The following SPATA31A1 variants were observed in gnomAD, a reference collection of about 807,000 sequenced individuals.
SPATA31A1 encodes SPATA31 subfamily A member 1, also known as spermatogenesis-associated protein 31A1.
For missense variants in SPATA31A1, 579 were observed against 1,476.3 expected, an observed-to-expected ratio of 0.39 and a Z score of 9.96; for synonymous variants, 194 against 573.4, an observed-to-expected ratio of 0.34 and a Z score of 9.45.
At position 39,355,881 on chromosome 9, in the gene SPATA31A1, T is replaced by G; in HGVS notation, c.151T>G (p.Cys51Gly). The G allele has an allele frequency of 6.7e-6, 2 of 298,932 alleles. No individual in the cohort carries two copies. The allele number at this position is 298,932 out of a possible 1,614,324, so 18.5% of individuals were successfully genotyped here. A position where few individuals can be genotyped will look rare whatever the true frequency, so the allele number is the denominator to read the frequency against. ...ACTCCCCTACTTATCTTACTTCCGT[T>G]GTGATGACCCACCCTCACCATCGCC... ...LLLPYLSYFRCDDPPSPSPGK... is the reference protein window; with the variant it reads ...LLLPYLSYFRGDDPPSPSPGK... The change falls in exon 1 of 4, where the codon TGT (cysteine) becomes GGT (glycine). Residue 51 changes from cysteine (C) to glycine (G), a missense_variant. Cys to Gly is a radical substitution (Grantham distance 159, BLOSUM62 -3). Transcript: ENST00000377647.
intron 1 of SPATA31A1, 118 bp downstream of exon 1, chr9:39,356,037 C>A (rs1323157831): frequency 2.7e-5 from 3 of 109,670 alleles, no homozygotes; most frequent in Non-Finnish European, 3.0e-5. Context: ...CAGAAGAGAC[C>A]AGAACATCAT....
rs1212779080 is a variant in SPATA31A1 at position 39,359,195 on chromosome 9, C to T, written c.1430C>T (p.Pro477Leu). The part of the protein sequence containing the change: ...FQAQPPSHLG[P>L]ECQPFISSTP... The stretch of plus-strand genomic sequence containing the variant: ...GCCCAGCCCCCGTCCCATCTGGGGC[C>T]CGAGTGCCAACCCTTTATTTCATCC... Residue 477 changes from proline to leucine, a missense_variant, in exon 4 of 4, where the codon CCC (proline) becomes CTC (leucine). Coordinates refer to ENST00000377647, the MANE Select transcript of SPATA31A1 (RefSeq NM_001085452.4). 6.2e-7 allele frequency: 1 copy of T among 1,611,828 alleles called. No individual in the cohort carries two copies. Among genetic ancestry groups the T allele is most frequent in the African/African-American group, 1.3e-5 (1 of 74,786 alleles).
Position 39,358,955 on chromosome 9 carries a change from A to C in SPATA31A1, c.1190A>C (p.Lys397Thr). 1 of 1,592,194 alleles carries C rather than the reference A, an allele frequency of 6.3e-7. No individual in the cohort carries two copies. Among genetic ancestry groups the C allele is most frequent in the African/African-American group, 1.4e-5 (1 of 74,066 alleles). ...TCGAAACAGCTGCCCGGACCTCAGA[A>C]GCTCTCAGATCCTAGGCTCTGGCAG... is the stretch of plus-strand genomic sequence containing the variant. ...ENSKQLPGPQ[K>T]LSDPRLWQES... Residue 397 changes from lysine (K) to threonine (T), a missense_variant, in exon 4 of 4, where the codon AAG becomes ACG. By Grantham distance (78) the Lys-to-Thr change is moderately conservative. Transcript: ENST00000377647.
chr9:39,356,578 T>G (rs1204277503), intron 1 of SPATA31A1, among the ~76,000 whole-genome samples: 1 of 51,718 alleles, frequency 1.9e-5, no homozygotes, highest in African/African-American at 8.4e-5. Context: ...TATTTTATTT[T>G]ATTTTATTTT....
rs1363347442 is a variant in SPATA31A1, at chr9:39,361,354, T to A, written c.3589T>A (p.Ser1197Thr). Reference protein sequence around the residue: ...AESQKTVKNRSCVYSSSAEAQ... With the variant: ...AESQKTVKNRTCVYSSSAEAQ... ...GAGCCAAAAAACAGTGAAAAACAGATCATGTGTGTACAGCAGCAGTGCTGA... is the reference window on the plus strand; with the variant it reads ...GAGCCAAAAAACAGTGAAAAACAGAACATGTGTGTACAGCAGCAGTGCTGA... Residue 1197 changes from serine (S) to threonine (T), a missense_variant, in exon 4 of 4, where the codon TCA (serine) becomes ACA (threonine). By Grantham distance (58) the Ser-to-Thr change is moderately conservative (BLOSUM62 1). Transcript: ENST00000377647. 1.9e-6 allele frequency: 3 copies of A among 1,613,346 alleles called. No individual in the cohort carries two copies. In the African/African-American group the frequency reaches 4.0e-5, roughly 22 times the overall value.
Position 39,358,576 on chromosome 9 carries a change from G to A in SPATA31A1, c.811G>A (p.Gly271Ser), listed in dbSNP as rs2118422596. 3 of 1,591,746 alleles carry A rather than the reference G, an allele frequency of 1.9e-6. No individual in the cohort carries two copies. The highest frequency in any genetic ancestry group is 4.5e-5 in the East Asian group (2 of 44,390). Residue 271 changes from glycine to serine, a missense_variant, in exon 4 of 4, where the codon GGT (glycine) becomes AGT (serine). Gly to Ser is a moderately conservative substitution (Grantham distance 56). Transcript: ENST00000377647. ...TTCTGTCCCAGCCATCTCAGGCCTT[G>A]GTGGCTCAAACAGTCATGTTTCTGC... ...VASVPAISGL[G>S]GSNSHVSASS...
chr9:39,358,673 C>T lies in SPATA31A1; in HGVS notation c.908C>T (p.Ser303Phe). 1 of 1,608,686 alleles carries T rather than the reference C, an allele frequency of 6.2e-7. No homozygotes were observed. Among genetic ancestry groups the T allele is most frequent in the Non-Finnish European group, 8.5e-7 (1 of 1,179,800 alleles). The change falls in exon 4 of 4, where the codon TCC becomes TTC. Residue 303 changes from serine to phenylalanine, a missense_variant. Transcript: ENST00000377647. ...TCATCAGTCCAGCAAGATCATCTTT[C>T]CCGCCACCCACCAGAGACCTACCAG... ...FNSSVQQDHL[S>F]RHPPETYQME...
At position 39,357,801 on chromosome 9, in the gene SPATA31A1, G is replaced by T. The variant is rs1427060599; in HGVS notation, c.291G>T (p.Leu97=). The T allele has an allele frequency of 6.2e-5, 98 of 1,589,462 alleles. No individual in the cohort carries two copies. In the Middle Eastern group the frequency reaches 1.1e-3, roughly 18 times the overall value. ...GAGGCCTGCAGGAGACTTCGGACCT[G>T]CTTTCACAACTGCAGAGGTGAGGCA... is the stretch of plus-strand genomic sequence containing the variant. The part of the protein sequence containing the change: ...CPRGLQETSD[L]LSQLQSLLGP... Residue 97 remains leucine, a synonymous_variant, in exon 3 of 4, where the codon CTG becomes CTT. Transcript: ENST00000377647.
chr9:39,358,320 G>A lies in SPATA31A1; in HGVS notation c.555G>A (p.Gln185=). 1 of 1,536,226 alleles carries A rather than the reference G, an allele frequency of 6.5e-7. No individual in the cohort carries two copies. The part of the protein sequence containing the change: ...TTSVSSLSAS[Q]PPEPSLPLEH... ...CAGTCTCCTCCCTAAGTGCCTCCCAGCCACCAGAACCTTCCCTTCCCCTAG... is the reference window on the plus strand; with the variant it reads ...CAGTCTCCTCCCTAAGTGCCTCCCAACCACCAGAACCTTCCCTTCCCCTAG... The change falls in exon 4 of 4, where the codon CAG becomes CAA. Residue 185 remains glutamine (Q), a synonymous_variant. Coordinates refer to ENST00000377647, the MANE Select transcript of SPATA31A1 (RefSeq NM_001085452.4).
In SPATA31A1 at chr9:39,357,097, GTCATCTTGTCTCCGT is replaced by G; in HGVS notation, c.190-34_190-20del. The G allele has an allele frequency of 1.2e-6, 2 of 1,602,530 alleles. No homozygotes were observed. The highest frequency in any genetic ancestry group is 2.2e-5 in the South Asian group (2 of 90,554). ...TCCCATTGTCATCTTGTCTCTCCGC[GTCATCTTGTCTCCGT>G]ACGTCATCGTGTCTCCCAGTGTCCA... On this transcript the variant is annotated intron_variant, in intron 1 of 3. Transcript: ENST00000377647.
Position 39,359,316 on chromosome 9 carries a change from G to C in SPATA31A1, c.1551G>C (p.Leu517=). The C allele has an allele frequency of 5.0e-6, 8 of 1,604,972 alleles. 1 individual carries two copies. The South Asian group carries it at 7.7e-5, about 16-fold the overall frequency. ...FPVLSPAFPS[L]IKNTGVACPA... ...TCCTATCTCCTGCTTTTCCATCCCT[G>C]ATTAAGAACACTGGAGTAGCTTGCC... The change falls in exon 4 of 4, where the codon CTG becomes CTC. Residue 517 remains leucine, a synonymous_variant. Coordinates refer to ENST00000377647, the MANE Select transcript of SPATA31A1 (RefSeq NM_001085452.4).
Position 39,361,198 on chromosome 9 carries a change from G to T in SPATA31A1, c.3433G>T (p.Asp1145Tyr). The T allele has an allele frequency of 6.2e-7, 1 of 1,611,464 alleles. No homozygotes were observed. ...CAGGAAAACAGAAGACACCCATCAG[G>T]ATGAAGGCGTCCAGCTACTGCCATC... The part of the protein sequence containing the change: ...PVRKTEDTHQ[D>Y]EGVQLLPSKK... Residue 1145 changes from aspartate (D) to tyrosine (Y), a missense_variant, in exon 4 of 4, where the codon GAT (aspartate) becomes TAT (tyrosine). Asp to Tyr is a radical substitution (Grantham distance 160). Coordinates refer to ENST00000377647, the MANE Select transcript of SPATA31A1 (RefSeq NM_001085452.4).
Position 39,361,028 on chromosome 9 carries a change from C to T in SPATA31A1, c.3263C>T (p.Pro1088Leu), listed in dbSNP as rs750720491. 1 of 1,610,962 alleles carries T rather than the reference C, an allele frequency of 6.2e-7. No individual in the cohort carries two copies. Among genetic ancestry groups the T allele is most frequent in the South Asian group, 1.1e-5 (1 of 90,924 alleles). Residue 1088 changes from proline to leucine, a missense_variant, in exon 4 of 4, where the codon CCC becomes CTC. Physicochemically the swap from Pro to Leu is moderately conservative, Grantham distance 98. Coordinates refer to ENST00000377647, the MANE Select transcript of SPATA31A1 (RefSeq NM_001085452.4). ...AGGAGCAAACTGGTGCACGAGGAGC[C>T]CAGAAACCCAAACTGTCAAGGCTCA... ...ARRSKLVHEE[P>L]RNPNCQGSCK...
At position 39,358,394 on chromosome 9, in the gene SPATA31A1, C is replaced by A; in HGVS notation, c.629C>A (p.Thr210Asn). 1.3e-6 allele frequency: 2 copies of A among 1,521,562 alleles called. No individual in the cohort carries two copies. The highest frequency in any genetic ancestry group is 1.2e-5 in the South Asian group (1 of 85,946). 94.3% of individuals were successfully genotyped at this position (1,521,562 alleles called of 1,614,324 possible). The change falls in exon 4 of 4, where the codon ACC (threonine) becomes AAC (asparagine). Residue 210 changes from threonine to asparagine, a missense_variant. Physicochemically the swap from Thr to Asn is moderately conservative, Grantham distance 65 (BLOSUM62 0). Coordinates refer to ENST00000377647, the MANE Select transcript of SPATA31A1 (RefSeq NM_001085452.4). ...PPALFPHPPHTPDPLACSPPP... is the reference protein window; with the variant it reads ...PPALFPHPPHNPDPLACSPPP... ...GCACTTTTCCCTCACCCACCACACA[C>A]CCCTGATCCTCTGGCCTGCTCTCCG...
intron 1 of SPATA31A1, among the ~76,000 whole-genome samples, chr9:39,356,582 TTA>T (rs1823333869): frequency 4.5e-4 from 22 of 49,128 alleles, no homozygotes; most frequent in Non-Finnish European, 5.5e-4. Flanking sequence ...TTATTTTATT[TTA>T]TTTTATTTTA....
rs900731565 is a variant in SPATA31A1 at position 39,361,857 on chromosome 9, G to T, written c.*48G>T. 93 of 1,607,132 alleles carry T rather than the reference G, an allele frequency of 5.8e-5. No homozygotes were observed. Among genetic ancestry groups the T allele is most frequent in the African/African-American group, 1.4e-4 (10 of 73,896 alleles). Reference sequence around the variant, plus strand: ...TTTAGCCTTCCCTGGAGAAAAAGAAGTCCCCAAGAAAAAATTCACTCTATG... The same window carrying T: ...TTTAGCCTTCCCTGGAGAAAAAGAATTCCCCAAGAAAAAATTCACTCTATG... On this transcript the variant is annotated 3_prime_UTR_variant, in exon 4 of 4. Coordinates refer to ENST00000377647, the MANE Select transcript of SPATA31A1 (RefSeq NM_001085452.4).
Position 39,360,757 on chromosome 9 carries a change from C to G in SPATA31A1, c.2992C>G (p.Gln998Glu), listed in dbSNP as rs1202144930. ...SSLHPRVSVS[Q>E]DPRKLCLMEE... is the part of the protein sequence containing the mutation. ...TCTACACCCTAGAGTGTCTGTCTCC[C>G]AAGATCCAAGAAAGCTGTGTCTTAT... The change falls in exon 4 of 4, where the codon CAA becomes GAA. Residue 998 changes from glutamine to glutamate, a missense_variant. By Grantham distance (29) the Gln-to-Glu change is conservative. Coordinates refer to ENST00000377647, the MANE Select transcript of SPATA31A1 (RefSeq NM_001085452.4). 2 of 1,611,534 alleles carry G rather than the reference C, an allele frequency of 1.2e-6. No individual in the cohort carries two copies. Among genetic ancestry groups the G allele is most frequent in the Non-Finnish European group, 1.7e-6 (2 of 1,179,674 alleles).
chr9:39,356,520 A>G (rs2118412509), intron 1 of SPATA31A1, among the ~76,000 whole-genome samples: 1 of 140,796 alleles, frequency 7.1e-6, no homozygotes, highest in South Asian at 2.3e-4. Context: ...GTGTATTTTT[A>G]TTTTATTTGT....
chr9:39,358,115 T>C lies in SPATA31A1; in HGVS notation c.350T>C (p.Leu117Pro). 1.9e-6 allele frequency: 3 copies of C among 1,598,120 alleles called. No homozygotes were observed. The highest frequency in any genetic ancestry group is 1.1e-5 in the South Asian group (1 of 90,000). The change falls in exon 4 of 4, where the codon CTC becomes CCC. Residue 117 changes from leucine to proline, a missense_variant. Coordinates refer to ENST00000377647, the MANE Select transcript of SPATA31A1 (RefSeq NM_001085452.4). The stretch of plus-strand genomic sequence containing the variant: ...CTTGACAAAGGTGACTTTGGTCAGC[T>C]CTCCGGTCCAGACCCCCCAGGTGAA... ...PHLDKGDFGQ[L>P]SGPDPPGEVG...
Sources: allele counts gnomAD v4.1 joint callset (sites outside exome capture counted in the v4.1 genomes callset), GRCh38; gene constraint gnomAD v4.1.1; transcripts MANE v1.5; gene names NCBI Gene and HGNC (gene_info 2026-07-23, HGNC 2026-07-21).